Variants in MRTFA observed in about 807,000 individuals in gnomAD.
MRTFA encodes myocardin related transcription factor A.
MRTFA carries 20 observed loss-of-function variants against 83.5 expected under a neutral mutation model. That is an observed-to-expected ratio of 0.24 (90% CI 0.17 to 0.35). The LOEUF (loss-of-function observed/expected upper bound fraction) is 0.35, where lower values mean the gene tolerates loss of function less well. MRTFA is among the 10% of genes least tolerant of loss of function. MRTFA has a pLI of 1.00. For missense variants in MRTFA, 1,200 were observed against 1,224.7 expected (o/e 0.98, Z 0.30); for synonymous variants, 659 against 541.2 (o/e 1.22, Z -3.02).
At chr22:40,442,873 C>A (rs2053303552) in intron 4 of MRTFA, among the ~76,000 whole-genome samples, 1 of 152,130 alleles carries the variant, frequency 6.6e-6, no homozygotes. Flanking sequence ...GCTCAAAGAA[C>A]TACAAGTAGT....
At chr22:40,436,913 G>A (rs370206691) in intron 4 of MRTFA, among the ~76,000 whole-genome samples, 2 of 152,142 alleles carry the variant, frequency 1.3e-5, no homozygotes, top group East Asian at 1.9e-4. Context: ...TGCCTGGGCC[G>A]TTGTGCTTCT....
At chr22:40,533,926 G>A (rs1374848120) in intron 3 of MRTFA, 1 of 300,832 alleles carries the variant, frequency 3.3e-6, no homozygotes, top group East Asian at 4.9e-5. Context: ...TTCGTCTCTG[G>A]GGGAGGGGAG....
intron 2 of MRTFA, among the ~76,000 whole-genome samples, chr22:40,579,225 T>C (rs145877449): frequency 2.5e-4 from 38 of 152,362 alleles, no homozygotes; most frequent in Admixed American, 1.2e-3. Flanking sequence ...AAGGCATGCA[T>C]ATCTTGTGCT....
intron 2 of MRTFA, among the ~76,000 whole-genome samples, chr22:40,577,160 C>T (rs965522785): frequency 1.3e-5 from 2 of 148,332 alleles, no homozygotes; most frequent in Non-Finnish European, 3.0e-5. Context: ...GAGGTCGAGG[C>T]TGCAGTGAGC....
At chr22:40,595,833 CAG>C (rs980790859) in intron 1 of MRTFA, among the ~76,000 whole-genome samples, 1 of 144,322 alleles carries the variant, frequency 6.9e-6, no homozygotes, top group African/African-American at 2.5e-5. Flanking sequence ...AAAGACATAA[CAG>C]AGACAGAATC....
chr22:40,629,913 T>C (rs2056623707), intron 1 of MRTFA, among the ~76,000 whole-genome samples: 1 of 151,674 alleles, frequency 6.6e-6, no homozygotes, highest in Non-Finnish European at 1.5e-5. Flanking sequence ...TCCCACCATA[T>C]GCTTCACAAG....
At chr22:40,420,350 C>T (rs1602211339) in intron 11 of MRTFA, 55 bp downstream of exon 11, 2 of 1,573,416 alleles carry the variant, frequency 1.3e-6, no homozygotes, top group African/African-American at 1.3e-5. Context: ...ACCCAGACAG[C>T]CCCTGTGGGA....
At chr22:40,492,602 C>G (rs948547624) in intron 3 of MRTFA, among the ~76,000 whole-genome samples, 29 of 152,192 alleles carry the variant, frequency 1.9e-4, no homozygotes, top group African/African-American at 6.8e-4. Context: ...ACTAGGTTCC[C>G]TCTTCTCTCT....
intron 1 of MRTFA, among the ~76,000 whole-genome samples, chr22:40,618,489 G>A (rs1271830243): frequency 6.6e-6 from 1 of 152,034 alleles, no homozygotes; most frequent in Non-Finnish European, 1.5e-5. Context: ...AGTATTTCGG[G>A]TAGAGGGAAC....
At chr22:40,630,020 G>C (rs1349769714) in intron 1 of MRTFA, among the ~76,000 whole-genome samples, 1 of 151,662 alleles carries the variant, frequency 6.6e-6, no homozygotes, top group African/African-American at 2.4e-5. Flanking sequence ...GCATTTAAAA[G>C]GTACAGGACT....
chr22:40,420,709 C>G (rs994891025), intron 10 of MRTFA, 133 bp from the exon 11 acceptor site: 1 of 1,532,124 alleles, frequency 6.5e-7, no homozygotes, highest in Non-Finnish European at 8.8e-7. Flanking sequence ...TAGGGTGGCC[C>G]TGCCTGCAGA....
chr22:40,612,591 A>C lies in MRTFA; in HGVS notation c.-83-17856T>G, dbSNP rs78119779. The stretch of plus-strand genomic sequence containing the variant: ...TAAAAAGCACACATTTTGAGTGTAC[A>C]GTTTCAGTGAGTTTTGATAAGTGTA... On this transcript the variant is annotated intron_variant, in intron 1 of 14. Transcript: ENST00000355630. Among the ~76,000 whole-genome samples, 747 of 152,312 alleles carry C rather than the reference A, an allele frequency of 4.9e-3. 12 individuals carry two copies. Among genetic ancestry groups the C allele is most frequent in the African/African-American group, 0.017 (710 of 41,558 alleles).
chr22:40,547,862 A>G (rs896276542), intron 3 of MRTFA, among the ~76,000 whole-genome samples: 3 of 151,586 alleles, frequency 2.0e-5, no homozygotes, highest in Non-Finnish European at 2.9e-5. Flanking sequence ...CCAAAAAAAA[A>G]AAAAAAAAAG....
chr22:40,588,186 G>A (rs777164961), intron 2 of MRTFA, among the ~76,000 whole-genome samples: 14 of 151,994 alleles, frequency 9.2e-5, no homozygotes, highest in South Asian at 4.2e-4. Flanking sequence ...GCGCCACCAC[G>A]CCCAGATAAT....
At position 40,458,795 on chromosome 22, in the gene MRTFA, T is replaced by A. The variant is rs1014366080; in HGVS notation, c.307+4426A>T. On this transcript the variant is annotated intron_variant, in intron 4 of 14. Transcript: ENST00000355630. The stretch of plus-strand genomic sequence containing the variant: ...AGCTGTTTTCAGAAACACCTCAGGC[T>A]GGCCGGGCGTGGAGGCTCATGCCTG... Among the ~76,000 whole-genome samples the A allele has an allele frequency of 2.9e-4, 44 of 152,122 alleles. 2 individuals carry two copies. Among genetic ancestry groups the A allele is most frequent in the Non-Finnish European group, 4.4e-5 (3 of 68,010 alleles).
rs1229661994 is a variant in MRTFA at position 40,575,953 on chromosome 22, T to G, written c.-22+18721A>C. ...ACAAACACTAAGCATTTTTTTCTGA[T>G]TTAAATATATTCAACTGATATTTTT... On this transcript the variant is annotated intron_variant, in intron 2 of 14. Transcript: ENST00000355630. Among the ~76,000 whole-genome samples, 3 of 152,108 alleles carry G rather than the reference T, an allele frequency of 2.0e-5. 1 individual carries two copies. The highest frequency in any genetic ancestry group is 2.0e-4 in the Admixed American group (3 of 15,254).
At chr22:40,568,451 A>G (rs1416243246) in intron 2 of MRTFA, among the ~76,000 whole-genome samples, 1 of 152,248 alleles carries the variant, frequency 6.6e-6, no homozygotes, top group African/African-American at 2.4e-5. Flanking sequence ...GACAATTTAA[A>G]TAAAAACAGC....
chr22:40,464,820 A>T (rs1336034392), intron 3 of MRTFA, among the ~76,000 whole-genome samples: 2 of 152,038 alleles, frequency 1.3e-5, no homozygotes, highest in Admixed American at 1.3e-4. Flanking sequence ...CATCCTTCTT[A>T]CTTCTTTAAT....
chr22:40,498,271 ATATTTTTTTTTTTTT>A (rs1341563446), intron 3 of MRTFA, among the ~76,000 whole-genome samples: 2 of 81,650 alleles, frequency 2.4e-5, no homozygotes, highest in Non-Finnish European at 4.4e-5. Context: ...ATATATATAT[ATATTTTTTTTTTTTT>A]TTTTTTTTTT....
Sources: gnomAD v4.1 joint callset for allele counts (sites outside exome capture counted in the v4.1 genomes callset) on GRCh38, gnomAD v4.1.1 for gene constraint, MANE v1.5 for transcripts, NCBI Gene and HGNC (gene_info 2026-07-23, HGNC 2026-07-21) for gene names.